SPAG16: variants seen among roughly 807,000 people sequenced by gnomAD.
SPAG16 encodes the protein sperm-associated antigen 16 protein.
SPAG16 carries 86 observed loss-of-function variants against 80.4 expected under a neutral mutation model. The observed-to-expected ratio is 1.07, with a 90% CI of 0.90 to 1.28. The LOEUF (loss-of-function observed/expected upper bound fraction) is 1.28. Ranked by LOEUF, SPAG16 falls within the 50% of genes most tolerant of loss-of-function variation. The pLI, the probability that SPAG16 is intolerant of heterozygous loss-of-function variation, is 0.00. For synonymous variants in SPAG16, 294 were observed against 265.9 expected (o/e 1.11, Z -1.03); for missense variants, 870 against 765.3 (o/e 1.14, Z -1.61).
chr2:214,072,473 TC>T (rs1414417589), intron 13 of SPAG16, among the ~76,000 whole-genome samples: 1 of 152,152 alleles, frequency 6.6e-6, no homozygotes, highest in Non-Finnish European at 1.5e-5. Flanking sequence ...CAAATCATTT[TC>T]AAAATATTGT....
At chr2:213,339,602 C>T (rs1048605051) in intron 5 of SPAG16, among the ~76,000 whole-genome samples, 2 of 152,052 alleles carry the variant, frequency 1.3e-5, no homozygotes, top group East Asian at 1.9e-4. Context: ...TATTGAAGAC[C>T]ATTCTCATCA....
At chr2:214,158,372 T>A (rs961120861) in intron 15 of SPAG16, among the ~76,000 whole-genome samples, 2 of 152,004 alleles carry the variant, frequency 1.3e-5, no homozygotes, top group Non-Finnish European at 2.9e-5. Flanking sequence ...ATAAAAATAT[T>A]ATTTAAAAAT....
intron 12 of SPAG16, among the ~76,000 whole-genome samples, chr2:214,012,777 G>A (rs2047376745): frequency 6.6e-6 from 1 of 152,108 alleles, no homozygotes; most frequent in African/African-American, 2.4e-5. Context: ...CCGTTTCATT[G>A]AGAAACAGCC....
chr2:213,677,322 T>C (rs1439278406), intron 10 of SPAG16, among the ~76,000 whole-genome samples: 1 of 152,088 alleles, frequency 6.6e-6, no homozygotes, highest in Admixed American at 6.6e-5. Flanking sequence ...CACAGACTGG[T>C]AAATTGGATA....
chr2:214,051,552 C>G (rs1193090630), intron 13 of SPAG16, among the ~76,000 whole-genome samples: 1 of 152,142 alleles, frequency 6.6e-6, no homozygotes, highest in Non-Finnish European at 1.5e-5. Context: ...TGCTAACTTT[C>G]ATGTTGCTTT....
intron 13 of SPAG16, among the ~76,000 whole-genome samples, chr2:214,042,502 T>G (rs1575947003): frequency 6.6e-6 from 1 of 152,274 alleles, no homozygotes; most frequent in East Asian, 1.9e-4. Context: ...GTTTGAGGCT[T>G]CATATTCTTT....
At chr2:213,474,858 C>G (rs893281176) in intron 9 of SPAG16, among the ~76,000 whole-genome samples, 1 of 152,160 alleles carries the variant, frequency 6.6e-6, no homozygotes, top group African/African-American at 2.4e-5. Context: ...TCCCAGCCCA[C>G]TGACTCAAAT....
intron 10 of SPAG16, among the ~76,000 whole-genome samples, chr2:213,832,309 T>C (rs2073714626): frequency 6.6e-6 from 1 of 152,068 alleles, no homozygotes; most frequent in African/African-American, 2.4e-5. Context: ...TTAATTCTTG[T>C]TGGGGCTCAG....
intron 9 of SPAG16, among the ~76,000 whole-genome samples, chr2:213,457,740 T>C (rs966596930): frequency 2.6e-5 from 4 of 152,208 alleles, no homozygotes; most frequent in African/African-American, 9.6e-5. Context: ...AGCATATGCT[T>C]AAATTTTACT....
At chr2:213,829,380 C>T (rs1169759268) in intron 10 of SPAG16, among the ~76,000 whole-genome samples, 1 of 152,038 alleles carries the variant, frequency 6.6e-6, no homozygotes, top group East Asian at 1.9e-4. Context: ...AGGCCTAGGA[C>T]TCGCTCTTCA....
intron 15 of SPAG16, among the ~76,000 whole-genome samples, chr2:214,236,013 G>A (rs982283109): frequency 1.3e-5 from 2 of 152,104 alleles, no homozygotes; most frequent in African/African-American, 4.8e-5. Context: ...AAGAAAATGG[G>A]CATTAAATTC....
At chr2:214,184,629 A>G (rs548285216) in intron 15 of SPAG16, among the ~76,000 whole-genome samples, 1 of 152,210 alleles carries the variant, frequency 6.6e-6, no homozygotes, top group South Asian at 2.1e-4. Flanking sequence ...CAAAAACAAA[A>G]GGTCATAATT....
chr2:213,526,770 G>T (rs1431118256), intron 10 of SPAG16, among the ~76,000 whole-genome samples: 2 of 152,138 alleles, frequency 1.3e-5, no homozygotes, highest in East Asian at 1.9e-4. Context: ...TTCATACTTG[G>T]TTGAACAAAT....
At chr2:213,599,594 T>C (rs184862029) in intron 10 of SPAG16, among the ~76,000 whole-genome samples, 5 of 152,356 alleles carry the variant, frequency 3.3e-5, no homozygotes, top group Non-Finnish European at 1.5e-5. Flanking sequence ...GAATACAGTA[T>C]ATAATACACG....
chr2:214,410,307 T>A lies in SPAG16; in HGVS notation c.1888T>A (p.Trp630Arg). 6.3e-7 allele frequency: 1 copy of A among 1,594,836 alleles called. No individual in the cohort carries two copies. The highest frequency in any genetic ancestry group is 1.1e-5 in the South Asian group (1 of 90,522). ...SGGSDGTVRT[W>R]S Reference sequence around the variant, plus strand: ...AGGCTCTGACGGCACAGTTCGAACGTGGTCTTGACCGTCAGCACATCCCGC... The same window carrying A: ...AGGCTCTGACGGCACAGTTCGAACGAGGTCTTGACCGTCAGCACATCCCGC... The change falls in exon 16 of 16, where the codon TGG becomes AGG. Residue 630 changes from tryptophan (W) to arginine (R), a missense_variant. Transcript: ENST00000331683.
intron 10 of SPAG16, among the ~76,000 whole-genome samples, chr2:213,574,914 C>A (rs954885651): frequency 6.6e-6 from 1 of 151,920 alleles, no homozygotes; most frequent in Non-Finnish European, 1.5e-5. Context: ...CCAGTTTCTG[C>A]AGTTTGCCTT....
rs188977389 is a variant in SPAG16 at position 213,855,769 on chromosome 2, G to A, written c.1071-6716G>A. 4.0e-3 allele frequency among the ~76,000 whole-genome samples: 609 copies of A among 152,202 alleles called. 5 individuals carry two copies. Among genetic ancestry groups the A allele is most frequent in the South Asian group, 8.7e-3 (42 of 4,814 alleles). On this transcript the variant is annotated intron_variant, in intron 10 of 15. Transcript: ENST00000331683. ...CAGATCTCATAAGAACTCACTTACT[G>A]TCATCAGAACAACATGGGGGAAACC...
At chr2:213,702,730 T>A (rs369999590) in intron 10 of SPAG16, among the ~76,000 whole-genome samples, 1 of 152,268 alleles carries the variant, frequency 6.6e-6, no homozygotes, top group East Asian at 1.9e-4. Flanking sequence ...CAAGGGAGTG[T>A]AATTTGACAC....
rs1421074784 is a variant in SPAG16, at chr2:213,350,586, C to T, written c.703C>T (p.His235Tyr). Residue 235 changes from histidine to tyrosine, a missense_variant, in exon 7 of 16, where the codon CAC becomes TAC. By Grantham distance (83) the His-to-Tyr change is moderately conservative. Coordinates refer to ENST00000331683, the MANE Select transcript of SPAG16 (RefSeq NM_024532.5). ...PTIRVLHEKH[H>Y]TLLKEKMLTS... ...TATAAGGGTGTTACATGAGAAACAC[C>T]ACACTTTACTGAAGGAGAAAATGCT... The T allele has an allele frequency of 4.4e-6, 7 of 1,603,638 alleles. No individual in the cohort carries two copies. The highest frequency in any genetic ancestry group is 4.0e-5 in the African/African-American group (3 of 74,318).
Sources: gnomAD v4.1 joint callset for allele counts (sites outside exome capture counted in the v4.1 genomes callset) on GRCh38, gnomAD v4.1.1 for gene constraint, MANE v1.5 for transcripts, NCBI Gene and HGNC (gene_info 2026-07-23, HGNC 2026-07-21) for gene names.